The following NEDD4 variants were observed in gnomAD, a reference collection of about 807,000 sequenced individuals.
NEDD4 encodes the protein NEDD4 E3 ubiquitin protein ligase.
Under a neutral mutation model 144.9 loss-of-function variants are expected in NEDD4, and 99 were observed. The observed-to-expected ratio is 0.68, with a 90% CI of 0.58 to 0.81. NEDD4 has a LOEUF of 0.81. NEDD4 is among the 30% of genes least tolerant of loss of function. NEDD4 has a pLI of 0.00. For synonymous variants in NEDD4, 318 were observed against 350.6 expected, an observed-to-expected ratio of 0.91 and a Z score of 1.04; for missense variants, 985 against 1,065.9, an observed-to-expected ratio of 0.92 and a Z score of 1.06.
intron 1 of NEDD4, among the ~76,000 whole-genome samples, chr15:55,984,825 AAAG>A (rs1195901337): frequency 1.3e-5 from 2 of 152,260 alleles, no homozygotes; most frequent in African/African-American, 2.4e-5. Flanking sequence ...TAGAAGTCCT[AAAG>A]AAGAAGTAAC....
chr15:55,840,141 A>G (rs569976143), intron 21 of NEDD4, among the ~76,000 whole-genome samples: 1 of 149,912 alleles, frequency 6.7e-6, no homozygotes, highest in African/African-American at 2.5e-5. Context: ...AATGTTATCT[A>G]TAACTTACTC....
chr15:55,836,063 T>C (rs1012904089), intron 24 of NEDD4, among the ~76,000 whole-genome samples: 2 of 152,084 alleles, frequency 1.3e-5, no homozygotes, highest in African/African-American at 2.4e-5. Flanking sequence ...GCCTACCTTA[T>C]TGCCAGACTT....
At chr15:55,845,553 A>G (rs2033704986) in intron 18 of NEDD4, among the ~76,000 whole-genome samples, 1 of 151,938 alleles carries the variant, frequency 6.6e-6, no homozygotes, top group South Asian at 2.1e-4. Flanking sequence ...TGAGGCCTGT[A>G]ATGGCATTGT....
chr15:55,919,502 G>A (rs1010268938), intron 5 of NEDD4, among the ~76,000 whole-genome samples: 3 of 152,162 alleles, frequency 2.0e-5, no homozygotes, highest in African/African-American at 7.2e-5. Context: ...GCTGGCTGAG[G>A]TCTGAAATTG....
At position 55,828,530 on chromosome 15, in the gene NEDD4, T is replaced by C. The variant is rs1377574750; in HGVS notation, c.*1367A>G. 6.6e-6 allele frequency: 1 copy of C among 152,266 alleles called. No homozygotes were observed. Among genetic ancestry groups the C allele is most frequent in the Non-Finnish European group, 1.5e-5 (1 of 68,030 alleles). 9.4% of individuals were successfully genotyped at this position (152,266 alleles called of 1,614,324 possible). ...TTTGCCTTATTCTGCTTACGCCTAC[T>C]TTTGATTGTTTTACAAATTCATAGA... On this transcript the variant is annotated 3_prime_UTR_variant, in exon 29 of 29. Coordinates refer to ENST00000435532, the MANE Select transcript of NEDD4 (RefSeq NM_006154.4).
intron 4 of NEDD4, among the ~76,000 whole-genome samples, chr15:55,927,441 T>C (rs2036696989): frequency 6.6e-6 from 1 of 152,140 alleles, no homozygotes; most frequent in African/African-American, 2.4e-5. Flanking sequence ...TCTACAGGCA[T>C]GCACTACCAT....
intron 1 of NEDD4, among the ~76,000 whole-genome samples, chr15:55,968,665 C>G (rs1347656149): frequency 2.0e-5 from 3 of 152,148 alleles, no homozygotes; most frequent in African/African-American, 7.2e-5. Flanking sequence ...AGAAAGAGTT[C>G]TAAATGCACT....
At chr15:55,869,812 G>T in intron 7 of NEDD4, 131 bp from the exon 8 acceptor site, 1 of 535,028 alleles carries the variant, frequency 1.9e-6, no homozygotes, top group Non-Finnish European at 3.2e-6. Context: ...AAGTTCCAGG[G>T]CAGAAGATAT....
chr15:55,871,914 A>T (rs1186812344), intron 7 of NEDD4, among the ~76,000 whole-genome samples: 1 of 152,158 alleles, frequency 6.6e-6, no homozygotes, highest in Non-Finnish European at 1.5e-5. Flanking sequence ...TTTTTTGATA[A>T]ACATCAAGTA....
intron 4 of NEDD4, among the ~76,000 whole-genome samples, chr15:55,949,244 C>G (rs1272399400): frequency 6.6e-6 from 1 of 152,168 alleles, no homozygotes; most frequent in Non-Finnish European, 1.5e-5. Flanking sequence ...ATCAAAACCA[C>G]AATGAGATAC....
chr15:55,840,830 A>T (rs2033470060), intron 19 of NEDD4, 103 bp from the exon 20 acceptor site: 8 of 1,122,044 alleles, frequency 7.1e-6, no homozygotes, highest in Non-Finnish European at 1.0e-5. Flanking sequence ...CACTGTTAGA[A>T]CCACATTCCT....
chr15:55,848,014 G>A (rs1188097624), intron 17 of NEDD4, among the ~76,000 whole-genome samples: 1 of 152,132 alleles, frequency 6.6e-6, no homozygotes, highest in East Asian at 1.9e-4. Flanking sequence ...GGAGTGGATA[G>A]GGTGCTGCTG....
chr15:55,939,010 G>A (rs2036944710), intron 4 of NEDD4, among the ~76,000 whole-genome samples: 2 of 152,136 alleles, frequency 1.3e-5, no homozygotes, highest in Admixed American at 6.6e-5. Context: ...GGGAGGCTGA[G>A]GTAGGCCATC....
intron 1 of NEDD4, among the ~76,000 whole-genome samples, chr15:55,982,382 G>A (rs1419403176): frequency 2.0e-5 from 3 of 152,046 alleles, no homozygotes; most frequent in Admixed American, 6.5e-5. Flanking sequence ...TGTGTCCATC[G>A]AAGGAGAATG....
chr15:55,852,516 G>C lies in NEDD4; in HGVS notation c.1054C>G (p.Pro352Ala). 6.2e-7 allele frequency: 1 copy of C among 1,612,816 alleles called. No homozygotes were observed. The highest frequency in any genetic ancestry group is 8.5e-7 in the Non-Finnish European group (1 of 1,179,452). ...VLLPTSSGLP[P>A]GWEEKQDERG... The stretch of plus-strand genomic sequence containing the variant: ...TCATCTTGTTTTTCTTCCCAACCTG[G>C]TGGTAATCCAGATGAAGTAGGCAAA... Residue 352 changes from proline to alanine, a missense_variant, in exon 13 of 29, where the codon CCA (proline) becomes GCA (alanine). Physicochemically the swap from Pro to Ala is conservative, Grantham distance 27. Transcript: ENST00000435532.
chr15:55,929,177 G>C (rs930601751), intron 4 of NEDD4, among the ~76,000 whole-genome samples: 5 of 152,106 alleles, frequency 3.3e-5, no homozygotes, highest in African/African-American at 1.2e-4. Context: ...CTGCCCTAAT[G>C]ACAGAATGTC....
At chr15:55,915,614 A>G (rs1453509678) in intron 5 of NEDD4, 1 of 1,613,818 alleles carries the variant, frequency 6.2e-7, no homozygotes, top group Non-Finnish European at 8.5e-7. Flanking sequence ...AATCAGAATT[A>G]AGCTTAATTT....
intron 2 of NEDD4, among the ~76,000 whole-genome samples, chr15:55,956,378 G>T (rs964975860): frequency 6.6e-6 from 1 of 151,956 alleles, no homozygotes; most frequent in African/African-American, 2.4e-5. Flanking sequence ...CGTAAACTTT[G>T]TGTAACCCAA....
intron 12 of NEDD4, 45 bp downstream of exon 12, chr15:55,856,086 T>G (rs2034182673): frequency 6.6e-7 from 1 of 1,522,538 alleles, no homozygotes; most frequent in African/African-American, 1.4e-5. Flanking sequence ...AAAGAGATGC[T>G]GAGTTTTATA....
Sources: allele counts gnomAD v4.1 joint callset (sites outside exome capture counted in the v4.1 genomes callset), GRCh38; gene constraint gnomAD v4.1.1; transcripts MANE v1.5; gene names NCBI Gene and HGNC (gene_info 2026-07-23, HGNC 2026-07-21).